The following ACSF2 variants were observed in gnomAD, a reference collection of about 807,000 sequenced individuals.
ACSF2 encodes the protein acyl-CoA synthetase family member 2, also known as medium-chain acyl-CoA ligase ACSF2, mitochondrial.
ACSF2 carries 52 observed loss-of-function variants against 79.3 expected under a neutral mutation model. That is an observed-to-expected ratio of 0.66 (90% CI 0.53 to 0.83). The LOEUF is 0.83. ACSF2 is among the 40% of genes least tolerant of loss of function. The pLI is 0.00. For synonymous variants in ACSF2, 283 were observed against 312.6 expected (o/e 0.91, Z 1.00); for missense variants, 661 against 803.3 (o/e 0.82, Z 2.14).
In ACSF2 at chr17:50,471,204, A is replaced by G; in HGVS notation, c.1323+69A>G. 1 of 1,357,320 alleles carries G rather than the reference A, an allele frequency of 7.4e-7. No individual in the cohort carries two copies. The highest frequency in any genetic ancestry group is 1.1e-6 in the Non-Finnish European group (1 of 950,788). 84.1% of individuals were successfully genotyped at this position (1,357,320 alleles called of 1,614,324 possible). On this transcript the variant is annotated intron_variant, in intron 11 of 15. Transcript: ENST00000300441. This position sits in a 1 kb window ranked among gnomAD's most constrained non-coding sequence, Gnocchi z 4.1. ...CAGCTGGGGTGCACCCAGCTGGGACATCGGTTGCTTTCAGTGAGAGAGTCA... is the reference window on the plus strand; with the variant it reads ...CAGCTGGGGTGCACCCAGCTGGGACGTCGGTTGCTTTCAGTGAGAGAGTCA...
chr17:50,426,584 G>A (rs1481367911), intron 1 of ACSF2, among the ~76,000 whole-genome samples, 195 bp downstream of exon 1: 4 of 152,230 alleles, frequency 2.6e-5, no homozygotes, highest in Admixed American at 2.0e-4. Flanking sequence ...GTGGGGAGGG[G>A]GCTTTGGTTG....
intron 1 of ACSF2, among the ~76,000 whole-genome samples, chr17:50,435,572 A>G (rs777477999): frequency 2.2e-5 from 3 of 138,644 alleles, no homozygotes; most frequent in Non-Finnish European, 4.6e-5. Flanking sequence ...CACAAAGCCC[A>G]GCTAATTTAA....
At chr17:50,445,740 G>T (rs2031256658) in intron 1 of ACSF2, among the ~76,000 whole-genome samples, 1 of 151,684 alleles carries the variant, frequency 6.6e-6, no homozygotes, top group Admixed American at 6.6e-5. Context: ...GGTCAAGTCT[G>T]CAGTGAGCTG....
chr17:50,447,194 A>G (rs915591755), intron 1 of ACSF2, among the ~76,000 whole-genome samples: 5 of 152,070 alleles, frequency 3.3e-5, no homozygotes, highest in Non-Finnish European at 7.4e-5. Context: ...TTCTGTCTCT[A>G]TAGAATTACC....
At chr17:50,441,844 T>A (rs1021862506) in intron 1 of ACSF2, among the ~76,000 whole-genome samples, 5 of 151,174 alleles carry the variant, frequency 3.3e-5, no homozygotes, top group East Asian at 1.9e-4. Context: ...TTATTTATTT[T>A]TATTTATTTA....
At chr17:50,473,381 G>A (rs1406861026) in intron 12 of ACSF2, 2 of 403,566 alleles carry the variant, frequency 5.0e-6, no homozygotes, top group East Asian at 8.5e-5. Flanking sequence ...GAAGATGTCT[G>A]GAGACATTTG....
intron 1 of ACSF2, among the ~76,000 whole-genome samples, chr17:50,444,418 G>A (rs143590084): frequency 0.014 from 2,059 of 152,150 alleles, 24 homozygotes; most frequent in Non-Finnish European, 0.02. Context: ...AGTTGGGCAC[G>A]GTGGTGCATG....
Position 50,474,459 on chromosome 17 carries a change from A to C in ACSF2, c.1798-43A>C. The C allele has an allele frequency of 6.2e-7, 1 of 1,602,620 alleles. No homozygotes were observed. The highest frequency in any genetic ancestry group is 1.1e-5 in the South Asian group (1 of 90,842). ...TGAGAAACCCCTTATTCTTGGGTGA[A>C]CCAAGACAGCTGGTAACCCTAACTC... On this transcript the variant is annotated intron_variant, in intron 15 of 15. Transcript: ENST00000300441. This position sits in a 1 kb window ranked among gnomAD's most constrained non-coding sequence, Gnocchi z 4.2.
intron 1 of ACSF2, among the ~76,000 whole-genome samples, chr17:50,456,326 C>T (rs1478787880): frequency 6.6e-6 from 1 of 152,158 alleles, no homozygotes; most frequent in East Asian, 1.9e-4. Context: ...GGAGCCTTGG[C>T]ACAGAAACCC....
chr17:50,432,451 A>G (rs2030012057), intron 1 of ACSF2, among the ~76,000 whole-genome samples: 1 of 152,204 alleles, frequency 6.6e-6, no homozygotes, highest in African/African-American at 2.4e-5. Context: ...AGGTTCCAGC[A>G]GGGTAAACTA....
intron 1 of ACSF2, among the ~76,000 whole-genome samples, chr17:50,454,094 G>A (rs1159878117): frequency 6.6e-6 from 1 of 151,922 alleles, no homozygotes; most frequent in Non-Finnish European, 1.5e-5. Flanking sequence ...GAGCCCGGGA[G>A]GTCCAGGCTG....
At chr17:50,467,558 C>G (rs556375093) in intron 10 of ACSF2, among the ~76,000 whole-genome samples, 5 of 152,336 alleles carry the variant, frequency 3.3e-5, no homozygotes, top group Non-Finnish European at 7.3e-5. Flanking sequence ...CCCACTCCCC[C>G]TTAGCACACA....
chr17:50,430,275 A>G (rs1286685375), intron 1 of ACSF2, among the ~76,000 whole-genome samples: 1 of 152,136 alleles, frequency 6.6e-6, no homozygotes, highest in African/African-American at 2.4e-5. Flanking sequence ...ATAAGTAGAG[A>G]GATTTATTTG....
chr17:50,464,010 G>A (rs2143727453), intron 9 of ACSF2, 101 bp downstream of exon 9: 1 of 792,264 alleles, frequency 1.3e-6, no homozygotes. Context: ...TTATATAGGG[G>A]GCAAGAAGGA....
chr17:50,465,838 C>T (rs1260077676), intron 10 of ACSF2: 10 of 1,613,654 alleles, frequency 6.2e-6, no homozygotes, highest in Admixed American at 3.3e-5. Context: ...CGTGTTTCAG[C>T]GTGGTTACAC....
Position 50,463,070 on chromosome 17 carries a change from TC to T in ACSF2, c.793-83del. 1 of 1,102,214 alleles carries T rather than the reference TC, an allele frequency of 9.1e-7. No individual in the cohort carries two copies. Among genetic ancestry groups the T allele is most frequent in the Non-Finnish European group, 1.3e-6 (1 of 741,746 alleles). 68.3% of individuals were successfully genotyped at this position (1,102,214 alleles called of 1,614,324 possible). A position where few individuals can be genotyped will look rare whatever the true frequency, so the allele number is the denominator to read the frequency against. On this transcript the variant is annotated intron_variant, in intron 6 of 15. Transcript: ENST00000300441. This position sits in a 1 kb window ranked among gnomAD's most constrained non-coding sequence, Gnocchi z 4.6. ...GGGGCAACAATCCCTGTCTCCTGATTCCCGGTCCCGTGCTCTTCAAGGCAGT... is the reference window on the plus strand; with the variant it reads ...GGGGCAACAATCCCTGTCTCCTGATTCCGGTCCCGTGCTCTTCAAGGCAGT...
In ACSF2 at chr17:50,430,164, G is replaced by A. The variant is rs79038664; in HGVS notation, c.128+3775G>A. On this transcript the variant is annotated intron_variant, in intron 1 of 15. Transcript: ENST00000300441. ...ATCCAGTGACTTGGTGCTGATGGTGGGGACAGAGGGGTAAGGGGGCTTTGT... is the reference window on the plus strand; with the variant it reads ...ATCCAGTGACTTGGTGCTGATGGTGAGGACAGAGGGGTAAGGGGGCTTTGT... Among the ~76,000 whole-genome samples, 855 of 152,278 alleles carry A rather than the reference G, an allele frequency of 5.6e-3. 21 individuals are homozygous for A. The highest frequency in any genetic ancestry group is 0.046 in the Admixed American group (700 of 15,296).
intron 1 of ACSF2, among the ~76,000 whole-genome samples, chr17:50,456,829 G>C (rs2032040653): frequency 6.6e-6 from 1 of 152,196 alleles, no homozygotes; most frequent in Non-Finnish European, 1.5e-5. Flanking sequence ...GGATGCCAAG[G>C]TGGGAGAATC....
At chr17:50,465,734 C>T (rs776041927) in intron 10 of ACSF2, 2 of 1,613,672 alleles carry the variant, frequency 1.2e-6, no homozygotes, top group Non-Finnish European at 1.7e-6. Flanking sequence ...CTGGCAGGTA[C>T]ACTTCCAGGG....
Sources: allele counts gnomAD v4.1 joint callset (sites outside exome capture counted in the v4.1 genomes callset), GRCh38; gene constraint gnomAD v4.1.1; non-coding constraint Gnocchi (gnomAD v3.1); transcripts MANE v1.5; gene names NCBI Gene and HGNC (gene_info 2026-07-23, HGNC 2026-07-21).